Variants in FRYL observed in about 807,000 individuals in gnomAD.
The protein encoded by FRYL is protein furry homolog-like.
A neutral mutation model predicts 351.2 loss-of-function variants in FRYL; 150 were observed. That is an observed-to-expected ratio of 0.43 (90% confidence interval 0.37 to 0.49). FRYL has a LOEUF of 0.49. Among genes scored for constraint, FRYL ranks in the 20% least tolerant of loss-of-function variants. The pLI is 0.00. For synonymous variants in FRYL, 1,153 were observed against 1,257.1 expected (o/e 0.92, Z 1.75); for missense variants, 3,036 against 3,619.3 (o/e 0.84, Z 4.13).
intron 1 of FRYL, among the ~76,000 whole-genome samples, chr4:48,758,016 G>A (rs1175747637): frequency 6.6e-6 from 1 of 152,142 alleles, no homozygotes; most frequent in Non-Finnish European, 1.5e-5. Flanking sequence ...ATGGTGCTGG[G>A]AAAACTGGCT....
chr4:48,603,719 T>G (rs184503396), intron 11 of FRYL, among the ~76,000 whole-genome samples: 1 of 152,278 alleles, frequency 6.6e-6, no homozygotes, highest in African/African-American at 2.4e-5. Context: ...CCAACATCTC[T>G]TAACAGAAAT....
intron 3 of FRYL, among the ~76,000 whole-genome samples, chr4:48,656,491 TA>T (rs1318485861): frequency 7.6e-6 from 1 of 131,524 alleles, no homozygotes; most frequent in African/African-American, 2.8e-5. Flanking sequence ...AATGTATACA[TA>T]TATGCATTAT....
chr4:48,675,556 C>A (rs1298814126), intron 3 of FRYL, among the ~76,000 whole-genome samples: 1 of 152,244 alleles, frequency 6.6e-6, no homozygotes, highest in Admixed American at 6.5e-5. Context: ...CGATTTCTCA[C>A]CGAGCCTTAG....
chr4:48,761,222 T>C (rs980096915), intron 1 of FRYL, among the ~76,000 whole-genome samples: 1 of 152,136 alleles, frequency 6.6e-6, no homozygotes, highest in Non-Finnish European at 1.5e-5. Flanking sequence ...CTTTGGTGAA[T>C]GAGAAGAGGC....
At chr4:48,725,340 C>T (rs1451122471) in intron 1 of FRYL, among the ~76,000 whole-genome samples, 1 of 152,232 alleles carries the variant, frequency 6.6e-6, no homozygotes, top group East Asian at 1.9e-4. Flanking sequence ...CTTCAACAGA[C>T]TCTGTCTATC....
intron 3 of FRYL, among the ~76,000 whole-genome samples, chr4:48,656,851 A>T (rs375823743): frequency 1.3e-5 from 2 of 152,016 alleles, no homozygotes; most frequent in African/African-American, 4.8e-5. Flanking sequence ...TATCATACAC[A>T]GAAAGCAGGT....
At chr4:48,675,677 T>A (rs1763534565) in intron 3 of FRYL, among the ~76,000 whole-genome samples, 1 of 152,190 alleles carries the variant, frequency 6.6e-6, no homozygotes, top group Non-Finnish European at 1.5e-5. Flanking sequence ...CACCACTCCC[T>A]GCTCCACGGT....
chr4:48,621,539 C>T (rs948488316), intron 5 of FRYL, among the ~76,000 whole-genome samples: 1 of 152,132 alleles, frequency 6.6e-6, no homozygotes, highest in African/African-American at 2.4e-5. Flanking sequence ...TCTCTCTTCA[C>T]AAAAATTTCT....
At chr4:48,701,890 A>T (rs1315125550) in intron 2 of FRYL, among the ~76,000 whole-genome samples, 17 of 152,178 alleles carry the variant, frequency 1.1e-4, no homozygotes, top group Non-Finnish European at 1.9e-4. Flanking sequence ...TAATATCGTC[A>T]TACTGTCTTA....
chr4:48,686,195 T>C (rs761238790), intron 2 of FRYL, among the ~76,000 whole-genome samples: 2 of 152,206 alleles, frequency 1.3e-5, no homozygotes, highest in African/African-American at 2.4e-5. Flanking sequence ...TATCCTGAAA[T>C]AGTAATTTGT....
At chr4:48,694,897 C>A (rs1766009088) in intron 2 of FRYL, among the ~76,000 whole-genome samples, 1 of 151,992 alleles carries the variant, frequency 6.6e-6, no homozygotes, top group African/African-American at 2.4e-5. Flanking sequence ...CATAGTGAAA[C>A]CTCATCTCTA....
chr4:48,728,442 G>A (rs1404114847), intron 1 of FRYL, among the ~76,000 whole-genome samples: 1 of 151,950 alleles, frequency 6.6e-6, no homozygotes. Context: ...AAGGAAAGGA[G>A]AGGAACAGAA....
At position 48,779,765 on chromosome 4, in the gene FRYL, G is replaced by A. The variant is rs576468372; in HGVS notation, c.-384+313C>T. Among the ~76,000 whole-genome samples the A allele has an allele frequency of 4.3e-4, 66 of 152,046 alleles. 1 individual carries two copies. The highest frequency in any genetic ancestry group is 9.9e-4 in the African/African-American group (41 of 41,540). On this transcript the variant is annotated intron_variant, in intron 1 of 63. Coordinates refer to ENST00000358350, the MANE Select transcript of FRYL (RefSeq NM_015030.2). Reference sequence around the variant, plus strand: ...CGCGAGAAGAGCCAGGCACTGGAGGGGAAGGGGACGTGCGGGAGAGACGGG... The same window carrying A: ...CGCGAGAAGAGCCAGGCACTGGAGGAGAAGGGGACGTGCGGGAGAGACGGG...
At chr4:48,562,431 A>G (rs1232409150) in intron 32 of FRYL, among the ~76,000 whole-genome samples, 2 of 152,212 alleles carry the variant, frequency 1.3e-5, no homozygotes, top group African/African-American at 4.8e-5. Flanking sequence ...GAATTAGTTA[A>G]GTATTGCATA....
Position 48,528,207 on chromosome 4 carries a change from G to T in FRYL, c.7033C>A (p.Pro2345Thr). The T allele has an allele frequency of 6.2e-7, 1 of 1,613,058 alleles. No homozygotes were observed. The highest frequency in any genetic ancestry group is 8.5e-7 in the Non-Finnish European group (1 of 1,179,356). Residue 2345 changes from proline to threonine, a missense_variant, in exon 51 of 64, where the codon CCT (proline) becomes ACT (threonine). Transcript: ENST00000358350. ...SSGSNSNALVPVSWKRPQLSQ... is the reference protein window; with the variant it reads ...SSGSNSNALVTVSWKRPQLSQ... ...AACTGTGGCCTTTTCCAACTAACAG[G>T]AACCAAGGCATTAGAATTAGAACCA...
chr4:48,599,178 G>A (rs1323371153), intron 13 of FRYL, among the ~76,000 whole-genome samples: 3 of 152,028 alleles, frequency 2.0e-5, no homozygotes, highest in Non-Finnish European at 4.4e-5. Context: ...ATGAATGTAA[G>A]TATAGATTGT....
chr4:48,623,054 T>C, intron 5 of FRYL, 72 bp downstream of exon 5: 4 of 838,842 alleles, frequency 4.8e-6, no homozygotes, highest in Non-Finnish European at 7.7e-6. Context: ...TAATATTGAA[T>C]ACATTTGGGC....
At chr4:48,701,816 T>C (rs911677546) in intron 2 of FRYL, among the ~76,000 whole-genome samples, 2 of 152,208 alleles carry the variant, frequency 1.3e-5, no homozygotes, top group Non-Finnish European at 2.9e-5. Flanking sequence ...CATTTTCTGC[T>C]ACCTGGCGAT....
In FRYL at chr4:48,579,106, C is replaced by T. The variant is rs1224226488; in HGVS notation, c.2395G>A (p.Asp799Asn). 1.2e-6 allele frequency: 2 copies of T among 1,614,030 alleles called. No homozygotes were observed. Among genetic ancestry groups the T allele is most frequent in the Non-Finnish European group, 1.7e-6 (2 of 1,179,936 alleles). ...WIFAHVTQGQ[D>N]PWIISLSSFL... ...CTGGAGAGACTTATAATCCATGGGT[C>T]TTGGCCTTGGGTCACATGTGCAAAT... The change falls in exon 23 of 64, where the codon GAC (aspartate) becomes AAC (asparagine). Residue 799 changes from aspartate (D) to asparagine (N), a missense_variant. Around this residue, in one of 7 missense-constraint regions of FRYL, gnomAD observed 492 missense variants for 551.5 expected, o/e 0.89. Coordinates refer to ENST00000358350, the MANE Select transcript of FRYL (RefSeq NM_015030.2).
Sources: allele counts gnomAD v4.1 joint callset (sites outside exome capture counted in the v4.1 genomes callset), GRCh38; gene constraint gnomAD v4.1.1; regional missense constraint gnomAD v4.1.1; transcripts MANE v1.5; gene names NCBI Gene and HGNC (gene_info 2026-07-23, HGNC 2026-07-21).